The following FILIP1L variants were observed in gnomAD, a reference collection of about 807,000 sequenced individuals.
The protein encoded by FILIP1L is filamin A-interacting protein 1-like.
FILIP1L carries 55 observed loss-of-function variants against 96.6 expected under a neutral mutation model. That is an observed-to-expected ratio of 0.57 (90% CI 0.46 to 0.71). The LOEUF (loss-of-function observed/expected upper bound fraction) is 0.71, where lower values mean the gene tolerates loss of function less well. FILIP1L is among the 30% of genes least tolerant of loss of function. The probability of loss-of-function intolerance (pLI) is 0.00; values close to 1 mark genes in which losing one functional copy is unlikely to be tolerated. For missense variants in FILIP1L, 1,304 were observed against 1,321.2 expected (o/e 0.99, Z 0.20); for synonymous variants, 467 against 473.9 (o/e 0.99, Z 0.19).
intron 1 of FILIP1L, among the ~76,000 whole-genome samples, chr3:100,075,824 C>A (rs1576025602): frequency 6.6e-6 from 1 of 152,154 alleles, no homozygotes; most frequent in East Asian, 1.9e-4. Flanking sequence ...TATCTCTGAG[C>A]TTGACTTTTC....
chr3:100,019,599 CT>C (rs751578997), intron 1 of FILIP1L, among the ~76,000 whole-genome samples: 1 of 151,938 alleles, frequency 6.6e-6, no homozygotes, highest in Non-Finnish European at 1.5e-5. Context: ...GTAGTAGATA[CT>C]TTTTTCCTCT....
intron 1 of FILIP1L, among the ~76,000 whole-genome samples, chr3:100,078,305 A>G (rs909040812): frequency 2.6e-5 from 4 of 152,226 alleles, no homozygotes; most frequent in Non-Finnish European, 4.4e-5. Flanking sequence ...CCAATAATTG[A>G]TAAATCCAGA....
intron 1 of FILIP1L, among the ~76,000 whole-genome samples, chr3:100,001,918 G>A (rs182025621): frequency 9.2e-5 from 14 of 152,250 alleles, no homozygotes; most frequent in Admixed American, 1.3e-4. Context: ...ACACGGTGTC[G>A]CCTATGAGGG....
At chr3:100,091,260 A>G (rs1238186997) in intron 1 of FILIP1L, among the ~76,000 whole-genome samples, 3 of 149,206 alleles carry the variant, frequency 2.0e-5, no homozygotes, top group African/African-American at 7.4e-5. Context: ...ACTCCAGACT[A>G]GGCGACAGAG....
chr3:99,990,230 AGAG>A (rs140654583), intron 1 of FILIP1L, among the ~76,000 whole-genome samples: 3,647 of 152,304 alleles, frequency 0.024, 65 homozygotes, highest in Middle Eastern at 0.041. Context: ...GGTAGTCAAG[AGAG>A]GAGAGAGAGG....
chr3:99,990,100 A>G (rs575298969), intron 1 of FILIP1L, among the ~76,000 whole-genome samples: 1 of 152,316 alleles, frequency 6.6e-6, no homozygotes, highest in African/African-American at 2.4e-5. Context: ...AGAGAAATAT[A>G]TTGAACTTAT....
chr3:99,948,683 AGAG>A (rs941435517), intron 1 of FILIP1L, among the ~76,000 whole-genome samples: 33 of 150,030 alleles, frequency 2.2e-4, no homozygotes, highest in South Asian at 1.5e-3. Flanking sequence ...AGGAAGAAGA[AGAG>A]GAGAAAGGAG....
intron 5 of FILIP1L, chr3:99,847,938 A>C: frequency 1.0e-6 from 1 of 1,001,378 alleles, no homozygotes; most frequent in Non-Finnish European, 1.2e-6. Flanking sequence ...TAAAAATAAC[A>C]AATTATTTAC....
At chr3:100,082,660 G>A (rs2065950288) in intron 1 of FILIP1L, among the ~76,000 whole-genome samples, 4 of 152,050 alleles carry the variant, frequency 2.6e-5, no homozygotes, top group Non-Finnish European at 2.9e-5. Flanking sequence ...GGTTATAGTC[G>A]AGCTCCAACA....
chr3:100,095,660 T>C (rs1301343145), intron 1 of FILIP1L, among the ~76,000 whole-genome samples: 2 of 152,132 alleles, frequency 1.3e-5, no homozygotes, highest in Non-Finnish European at 2.9e-5. Context: ...CTTCAGACTT[T>C]GAAACTGAAA....
At chr3:99,933,733 C>G (rs7629426) in intron 1 of FILIP1L, among the ~76,000 whole-genome samples, 107,855 of 151,998 alleles carry the variant, frequency 0.71, 38,600 homozygotes, top group East Asian at 0.81. Flanking sequence ...CCATCTATGT[C>G]CTTTGTCTTA....
At chr3:99,949,085 T>C (rs997791111) in intron 1 of FILIP1L, among the ~76,000 whole-genome samples, 3 of 151,996 alleles carry the variant, frequency 2.0e-5, no homozygotes, top group African/African-American at 7.2e-5. Flanking sequence ...GTGAGTAAAT[T>C]CCAAAAAAAA....
chr3:99,917,891 A>C (rs981605448), intron 4 of FILIP1L, among the ~76,000 whole-genome samples: 1 of 152,224 alleles, frequency 6.6e-6, no homozygotes, highest in Admixed American at 6.5e-5. Flanking sequence ...GTTCATGACA[A>C]TCACATAATC....
intron 1 of FILIP1L, among the ~76,000 whole-genome samples, chr3:100,077,927 A>G (rs1396683393): frequency 6.6e-6 from 1 of 152,286 alleles, no homozygotes; most frequent in East Asian, 1.9e-4. Context: ...AAGAATAATA[A>G]GGAATTATTA....
chr3:100,081,627 T>G (rs1475504800), intron 1 of FILIP1L, among the ~76,000 whole-genome samples: 1 of 152,258 alleles, frequency 6.6e-6, no homozygotes, highest in East Asian at 1.9e-4. Flanking sequence ...CATGCCAGTA[T>G]AGTGTGATTT....
intron 1 of FILIP1L, among the ~76,000 whole-genome samples, chr3:99,948,344 T>A (rs1244189200): frequency 2.0e-5 from 3 of 151,828 alleles, no homozygotes; most frequent in South Asian, 2.1e-4. Context: ...ATAAAAAAAT[T>A]AAAAAATTTT....
chr3:99,868,461 C>T (rs1944628404), intron 4 of FILIP1L, among the ~76,000 whole-genome samples: 1 of 152,164 alleles, frequency 6.6e-6, no homozygotes, highest in Non-Finnish European at 1.5e-5. Context: ...GATGAAGGAG[C>T]ATCATCCCTA....
intron 1 of FILIP1L, among the ~76,000 whole-genome samples, chr3:100,025,233 C>T (rs565884701): frequency 3.0e-4 from 46 of 152,258 alleles, no homozygotes; most frequent in African/African-American, 1.0e-3. Context: ...CTACACAGCC[C>T]CATACTGTTT....
At chr3:100,092,414 G>A (rs75775346) in intron 1 of FILIP1L, among the ~76,000 whole-genome samples, 13,528 of 151,970 alleles carry the variant, frequency 0.089, 759 homozygotes, top group East Asian at 0.2. Context: ...TGTTTTGAGT[G>A]AGAAGTTTGG....
Sources: gnomAD v4.1 joint callset for allele counts (sites outside exome capture counted in the v4.1 genomes callset) on GRCh38, gnomAD v4.1.1 for gene constraint, MANE v1.5 for transcripts, NCBI Gene and HGNC (gene_info 2026-07-23, HGNC 2026-07-21) for gene names.